SCML2: variants seen among roughly 807,000 people sequenced by gnomAD.
SCML2 encodes sex comb on midleg-like protein 2.
SCML2 carries 6 observed loss-of-function variants against 48.4 expected under a neutral mutation model. That is an observed-to-expected ratio of 0.12 (90% CI 0.07 to 0.24). The LOEUF is 0.24. Among genes scored for constraint, SCML2 ranks in the 10% least tolerant of loss-of-function variants. The pLI, the probability that SCML2 is intolerant of heterozygous loss-of-function variation, is 1.00. For synonymous variants in SCML2, 181 were observed against 189.5 expected, an observed-to-expected ratio of 0.95 and a Z score of 0.37; for missense variants, 377 against 528.2, an observed-to-expected ratio of 0.71 and a Z score of 2.81.
intron 7 of SCML2, among the ~76,000 whole-genome samples, chrX:18,302,504 T>C (rs946109160): frequency 3.6e-5 from 4 of 111,504 alleles, no homozygotes; most frequent in African/African-American, 1.3e-4. Flanking sequence ...AACCCCTGGA[T>C]GTGAGTTCCC....
chrX:18,337,843 G>A (rs1418585828), intron 1 of SCML2, among the ~76,000 whole-genome samples: 1 of 111,432 alleles, frequency 9.0e-6, no homozygotes, highest in Non-Finnish European at 1.9e-5. Flanking sequence ...CATTCACTGA[G>A]ATAGACCATA....
intron 8 of SCML2, among the ~76,000 whole-genome samples, chrX:18,262,798 C>G (rs1927119536): frequency 9.2e-6 from 1 of 109,114 alleles, no homozygotes; most frequent in African/African-American, 3.5e-5. Context: ...CTGCAACCTC[C>G]ACCTCCTAGG....
intron 5 of SCML2, 108 bp from the exon 6 acceptor site, chrX:18,320,528 T>C (rs913182979): frequency 2.3e-6 from 1 of 438,385 alleles, no homozygotes; most frequent in Non-Finnish European, 3.8e-6. Flanking sequence ...AGAGAATGAC[T>C]TTCTTATCTA....
rs1927913736 is a variant in SCML2, at chrX:18,282,819, A to G, written c.731-17017T>C. On this transcript the variant is annotated intron_variant, in intron 7 of 14. Coordinates refer to ENST00000251900, the MANE Select transcript of SCML2 (RefSeq NM_006089.3). ...CAGTAATAAAAAACCTGCCAACCAA[A>G]AGAAGCCCCAGAACAAATGAATTCA... Among the ~76,000 whole-genome samples, 4 of 111,488 alleles carry G rather than the reference A, an allele frequency of 3.6e-5. No homozygotes were observed. In the Admixed American group the frequency reaches 3.8e-4, roughly 11 times the overall value.
At chrX:18,336,161 A>G (rs7473984) in intron 1 of SCML2, among the ~76,000 whole-genome samples, 31,961 of 111,185 alleles carry the variant, frequency 0.29, 3,997 homozygotes, top group African/African-American at 0.49. Flanking sequence ...GAATGATCCC[A>G]TTGGCGGGCA....
At chrX:18,317,823 G>A (rs1315401351) in intron 6 of SCML2, among the ~76,000 whole-genome samples, 2 of 81,311 alleles carry the variant, frequency 2.5e-5, no homozygotes, top group African/African-American at 1.1e-4. Context: ...GACAGAGCGA[G>A]ACTCCGTCTC....
intron 7 of SCML2, among the ~76,000 whole-genome samples, chrX:18,277,840 C>T (rs1261360718): frequency 1.8e-5 from 2 of 111,296 alleles, no homozygotes; most frequent in East Asian, 5.6e-4. Context: ...AGATGGCCAA[C>T]TAGACACAGC....
chrX:18,354,708 C>T (rs1389266281), upstream of SCML2: 1 of 263,530 alleles, frequency 3.8e-6, no homozygotes, highest in Non-Finnish European at 6.7e-6. Context: ...CGCGCATGCC[C>T]CGCAACCGCC....
chrX:18,331,259 C>CAAAAAAAAAAAAAAA (rs35589774), intron 2 of SCML2, among the ~76,000 whole-genome samples: 1 of 16,269 alleles, frequency 6.1e-5, no homozygotes, highest in Non-Finnish European at 9.7e-5. Context: ...GACTCCGTCT[C>CAAAAAAAAAAAAAAA]AAAAAAAAAA....
At chrX:18,318,009 T>TA (rs771423603) in intron 6 of SCML2, among the ~76,000 whole-genome samples, 1 of 111,456 alleles carries the variant, frequency 9.0e-6, no homozygotes, top group South Asian at 3.8e-4. Context: ...CTTTTATAAT[T>TA]AAAAAAATTG....
In SCML2 at chrX:18,254,873, G is replaced by A. The variant is rs768086473; in HGVS notation, c.1456+1975C>T. 3.6e-5 allele frequency among the ~76,000 whole-genome samples: 4 copies of A among 111,526 alleles called. No individual in the cohort carries two copies. The South Asian group carries it at 1.1e-3, about 32-fold the overall frequency. On this transcript the variant is annotated intron_variant, in intron 11 of 14. Transcript: ENST00000251900. ...CAGGAGGCGGAGGTTGCAGCGAGCC[G>A]AGATGGTGTCACTACACTCCAACCT...
chrX:18,255,414 T>C (rs1013516972), intron 11 of SCML2, among the ~76,000 whole-genome samples: 1 of 112,094 alleles, frequency 8.9e-6, no homozygotes, highest in African/African-American at 3.2e-5. Flanking sequence ...AAGGCCAGGA[T>C]TGGAACCCAG....
intron 13 of SCML2, among the ~76,000 whole-genome samples, chrX:18,245,261 A>C (rs751582254): frequency 1.8e-5 from 2 of 112,314 alleles, no homozygotes; most frequent in East Asian, 2.8e-4. Flanking sequence ...ATTGCTAAGA[A>C]GACCAGAAGC....
chrX:18,279,416 C>A (rs770619021), intron 7 of SCML2, among the ~76,000 whole-genome samples: 118 of 112,347 alleles, frequency 1.1e-3, no homozygotes, highest in African/African-American at 3.5e-3. Context: ...GAACACCAAC[C>A]CTCCTAGATG....
At chrX:18,306,139 C>G (rs1392454455) in intron 6 of SCML2, among the ~76,000 whole-genome samples, 2 of 111,613 alleles carry the variant, frequency 1.8e-5, no homozygotes, top group Admixed American at 1.9e-4. Flanking sequence ...TTACAATCAC[C>G]TGTGACCACA....
upstream of SCML2, among the ~76,000 whole-genome samples, chrX:18,354,900 C>A (rs958120530): frequency 8.9e-6 from 1 of 112,290 alleles, no homozygotes; most frequent in African/African-American, 3.2e-5. Context: ...TCCTACCCCC[C>A]ACGCCTACGC....
chrX:18,336,402 G>C (rs187250782), intron 1 of SCML2, among the ~76,000 whole-genome samples: 1 of 100,211 alleles, frequency 1.0e-5, no homozygotes, highest in East Asian at 3.2e-4. Flanking sequence ...TCATGCCACT[G>C]CACTCCAGCC....
At chrX:18,331,645 CTATTT>C (rs1929664909) in intron 2 of SCML2, among the ~76,000 whole-genome samples, 1 of 112,295 alleles carries the variant, frequency 8.9e-6, no homozygotes, top group Non-Finnish European at 1.9e-5. Flanking sequence ...ATTGTCTTAA[CTATTT>C]TTAGTGTGTA....
At chrX:18,317,072 GT>G (rs1402284069) in intron 6 of SCML2, among the ~76,000 whole-genome samples, 1 of 111,607 alleles carries the variant, frequency 9.0e-6, no homozygotes, top group Non-Finnish European at 1.9e-5. Context: ...ACACCCCTTT[GT>G]TTTTTCTTTA....
Sources: gnomAD v4.1 joint callset for allele counts (sites outside exome capture counted in the v4.1 genomes callset) on GRCh38, gnomAD v4.1.1 for gene constraint, MANE v1.5 for transcripts, NCBI Gene and HGNC (gene_info 2026-07-23, HGNC 2026-07-21) for gene names.